GSTA4: variants seen among roughly 807,000 people sequenced by gnomAD.
GSTA4 encodes the protein glutathione S-transferase alpha 4, also known as glutathione S-transferase A4.
GSTA4 carries 15 observed loss-of-function variants against 24.4 expected under a neutral mutation model. The ratio of observed to expected loss-of-function variants is 0.61; its 90% CI spans 0.41 to 0.95. The LOEUF (loss-of-function observed/expected upper bound fraction) is 0.95, where lower values mean the gene tolerates loss of function less well. GSTA4 is among the 40% of genes least tolerant of loss of function. The pLI is 0.00. For synonymous variants in GSTA4, 92 were observed against 94.2 expected (o/e 0.98, Z 0.13); for missense variants, 244 against 262.1 (o/e 0.93, Z 0.48).
chr6:52,993,752 C>T (rs1177362370), intron 2 of GSTA4, among the ~76,000 whole-genome samples: 1 of 152,024 alleles, frequency 6.6e-6, no homozygotes, highest in Non-Finnish European at 1.5e-5. Context: ...AAGAACAGAA[C>T]GAAAACAAAA....
intron 4 of GSTA4, 57 bp from the exon 5 acceptor site, chr6:52,984,662 C>T: frequency 7.1e-7 from 1 of 1,413,836 alleles, no homozygotes; most frequent in Non-Finnish European, 9.7e-7. Context: ...CATCAGTTTC[C>T]ACAACTAAGA....
rs780052026 is a variant in GSTA4 at position 52,982,595 on chromosome 6, C to T, written c.525G>A (p.Leu175=). The change falls in exon 6 of 7, where the codon CTG becomes CTA. Residue 175 remains leucine (L), a synonymous_variant. Transcript: ENST00000370963. ...LALEEKIPNI[L]SAFPFLQEYT... ...TTACCTGGAGGAAAGGAAATGCAGA[C>T]AGGATATTAGGAATTTTCTCTTCTA... 1 of 1,610,370 alleles carries T rather than the reference C, an allele frequency of 6.2e-7. No homozygotes were observed. Among genetic ancestry groups the T allele is most frequent in the Admixed American group, 1.7e-5 (1 of 59,730 alleles).
At chr6:52,980,423 G>C (rs1165060089) in intron 6 of GSTA4, among the ~76,000 whole-genome samples, 1 of 151,844 alleles carries the variant, frequency 6.6e-6, no homozygotes, top group Non-Finnish European at 1.5e-5. Flanking sequence ...TCCTGCCTCA[G>C]CCTCCGAGTA....
chr6:52,978,339 A>G lies in GSTA4; in HGVS notation c.*131T>C. On this transcript the variant is annotated 3_prime_UTR_variant, in exon 7 of 7. Transcript: ENST00000370963. Reference sequence around the variant, plus strand: ...TTCTAGAAGAGATGATCTCGTTGACACAAAAGACCCAACTTAGGACCCAAC... The same window carrying G: ...TTCTAGAAGAGATGATCTCGTTGACGCAAAAGACCCAACTTAGGACCCAAC... 1.2e-6 allele frequency: 1 copy of G among 857,290 alleles called. No individual in the cohort carries two copies. The highest frequency in any genetic ancestry group is 1.8e-6 in the Non-Finnish European group (1 of 542,180). The allele number at this position is 857,290 out of a possible 1,614,324, so 53.1% of individuals were successfully genotyped here. A position where few individuals can be genotyped will look rare whatever the true frequency, so the allele number is the denominator to read the frequency against.
intron 2 of GSTA4, chr6:52,987,822 T>G (rs1763592064): frequency 6.4e-6 from 1 of 155,192 alleles, no homozygotes; most frequent in African/African-American, 2.4e-5. Flanking sequence ...GATAAATGTT[T>G]GAGGTGGGTG....
Position 52,984,328 on chromosome 6 carries a change from T to C in GSTA4, c.414+136A>G. On this transcript the variant is annotated intron_variant, in intron 5 of 6. Coordinates refer to ENST00000370963, the MANE Select transcript of GSTA4 (RefSeq NM_001512.4). ...TTGTGCTGTGGCTACTATTCGCTCT[T>C]AGGAGTCCATTAGCGCTTAGGTTAG... The C allele has an allele frequency of 9.4e-6, 7 of 745,534 alleles. No individual in the cohort carries two copies. In the South Asian group the frequency reaches 1.2e-4, roughly 13 times the overall value. The allele number at this position is 745,534 out of a possible 1,614,324, so 46.2% of individuals were successfully genotyped here.
At chr6:52,989,871 T>TA (rs1341935249) in intron 2 of GSTA4, among the ~76,000 whole-genome samples, 1 of 152,188 alleles carries the variant, frequency 6.6e-6, no homozygotes, top group Non-Finnish European at 1.5e-5. Context: ...TATTTTTTCT[T>TA]AGAGGTCTGT....
chr6:52,994,530 T>C (rs928481378), intron 1 of GSTA4: 6 of 368,208 alleles, frequency 1.6e-5, no homozygotes, highest in Admixed American at 8.3e-5. Context: ...ACATATGTGC[T>C]AGCAGTACGG....
intron 6 of GSTA4, among the ~76,000 whole-genome samples, chr6:52,981,099 G>A (rs1166982438): frequency 6.6e-6 from 1 of 151,342 alleles, no homozygotes; most frequent in Non-Finnish European, 1.5e-5. Flanking sequence ...GTCTGCAAAA[G>A]TAAATGAAAA....
Position 52,982,658 on chromosome 6 carries a change from G to A in GSTA4, c.462C>T (p.Ser154=), listed in dbSNP as rs938583822. 4 of 1,610,116 alleles carry A rather than the reference G, an allele frequency of 2.5e-6. No individual in the cohort carries two copies. Among genetic ancestry groups the A allele is most frequent in the Non-Finnish European group, 3.4e-6 (4 of 1,176,438 alleles). The change falls in exon 6 of 7, where the codon AGC becomes AGT. Residue 154 remains serine, a synonymous_variant. Transcript: ENST00000370963. ...TTTGGAGTAAAATCACATCTGCAAG[G>A]CTCAGCTGATTACCAACAAGAAAGC... ...GQSFLVGNQL[S]LADVILLQTI...
In GSTA4 at chr6:52,985,488, G is replaced by C. The variant is rs527982065; in HGVS notation, c.235C>G (p.His79Asp). The C allele has an allele frequency of 9.3e-6, 15 of 1,614,030 alleles. 1 individual carries two copies. In the South Asian group the frequency reaches 1.5e-4, roughly 17 times the overall value. The change falls in exon 4 of 7, where the codon CAC (histidine) becomes GAC (aspartate). Residue 79 changes from histidine (H) to aspartate (D), a missense_variant. Coordinates refer to ENST00000370963, the MANE Select transcript of GSTA4 (RefSeq NM_001512.4). ...RSILHYIADK[H>D]NLFGKNLKER... ...TTGAGGTTCTTGCCAAAGAGATTGT[G>C]CTTGTCTGCTATGTAGTGGAGAATG...
At chr6:52,991,212 G>A (rs1763654715) in intron 2 of GSTA4, among the ~76,000 whole-genome samples, 1 of 152,188 alleles carries the variant, frequency 6.6e-6, no homozygotes, top group South Asian at 2.1e-4. Context: ...GTTAATGAGT[G>A]ACAAGTACTC....
chr6:52,984,324 C>T, intron 5 of GSTA4, 140 bp downstream of exon 5: 1 of 720,060 alleles, frequency 1.4e-6, no homozygotes, highest in Non-Finnish European at 2.3e-6. Context: ...CTACTATTCG[C>T]TCTTAGGAGT....
chr6:52,982,885 GA>G (rs1763480215), intron 5 of GSTA4, among the ~76,000 whole-genome samples, 180 bp from the exon 6 acceptor site: 4 of 27,874 alleles, frequency 1.4e-4, no homozygotes, highest in Non-Finnish European at 2.9e-4. Flanking sequence ...GAGAGAGGGG[GA>G]GAGAGAGAGA....
intron 6 of GSTA4, among the ~76,000 whole-genome samples, chr6:52,979,823 TTTTCA>T (rs1404546826): frequency 6.6e-6 from 1 of 152,216 alleles, no homozygotes; most frequent in African/African-American, 2.4e-5. Flanking sequence ...CAATTTTCTC[TTTTCA>T]TTACGTACTT....
chr6:52,984,544 A>G lies in GSTA4; in HGVS notation c.334T>C (p.Leu112=), dbSNP rs45507994. 10,013 of 1,613,222 alleles carry G rather than the reference A, an allele frequency of 6.2e-3. 44 individuals carry two copies. Among genetic ancestry groups the G allele is most frequent in the Non-Finnish European group, 7.8e-3 (9,240 of 1,179,126 alleles). The change falls in exon 5 of 7, where the codon TTA becomes CTA. Residue 112 remains leucine (L), a synonymous_variant. Transcript: ENST00000370963. The part of the protein sequence containing the change: ...LLELLIMHPF[L]KPDDQQKEVV... ...TCCTTTTGCTGATCATCTGGTTTTA[A>G]GAAAGGATGCATGATAAGCAGTTCC...
At chr6:52,981,482 C>T (rs981173897) in intron 6 of GSTA4, among the ~76,000 whole-genome samples, 9 of 152,178 alleles carry the variant, frequency 5.9e-5, no homozygotes, top group Non-Finnish European at 1.0e-4. Context: ...ACAAAAGTAA[C>T]CTTGACATTG....
chr6:52,985,615 CT>C (rs1401693615), intron 3 of GSTA4, 32 bp from the exon 4 acceptor site: 1 of 1,609,370 alleles, frequency 6.2e-7, no homozygotes, highest in African/African-American at 1.3e-5. Flanking sequence ...TAGAAGTGAT[CT>C]TTTCTTCTCT....
chr6:52,991,437 G>A (rs1482082705), intron 2 of GSTA4, among the ~76,000 whole-genome samples: 1 of 152,122 alleles, frequency 6.6e-6, no homozygotes, highest in African/African-American at 2.4e-5. Context: ...AACCCCTGAT[G>A]TGATACAATA....
Sources: allele counts gnomAD v4.1 joint callset (sites outside exome capture counted in the v4.1 genomes callset), GRCh38; gene constraint gnomAD v4.1.1; transcripts MANE v1.5; gene names NCBI Gene and HGNC (gene_info 2026-07-23, HGNC 2026-07-21).